The following ZMIZ1 variants were observed in gnomAD, a reference collection of about 807,000 sequenced individuals.
ZMIZ1 encodes the protein zinc finger MIZ-type containing 1, also known as zinc finger MIZ domain-containing protein 1.
In ZMIZ1, 17 loss-of-function variants were observed where a neutral mutation model predicts 113.9. That is an observed-to-expected ratio of 0.15 (90% CI 0.10 to 0.22). The LOEUF (loss-of-function observed/expected upper bound fraction) is 0.22. Among genes scored for constraint, ZMIZ1 ranks in the 10% least tolerant of loss-of-function variants. The pLI is 1.00. For synonymous variants in ZMIZ1, 607 were observed against 603.1 expected (o/e 1.01, Z -0.09); for missense variants, 1,059 against 1,477.8 (o/e 0.72, Z 4.65).
Position 79,313,845 on chromosome 10 carries a change from T to C in ZMIZ1, c.*1096T>C. The C allele has an allele frequency of 2.8e-6, 1 of 357,700 alleles. No homozygotes were observed. The highest frequency in any genetic ancestry group is 2.1e-5 in the South Asian group (1 of 48,514). 22.2% of individuals were successfully genotyped at this position (357,700 alleles called of 1,614,324 possible). A position where few individuals can be genotyped will look rare whatever the true frequency, so the allele number is the denominator to read the frequency against. ...CTCTGTCCTAGTTCTCTTTGTCCAATCAGATGGCAAGGGCAGTGCGTGGAA... is the reference window on the plus strand; with the variant it reads ...CTCTGTCCTAGTTCTCTTTGTCCAACCAGATGGCAAGGGCAGTGCGTGGAA... On this transcript the variant is annotated 3_prime_UTR_variant, in exon 25 of 25. Coordinates refer to ENST00000334512, the MANE Select transcript of ZMIZ1 (RefSeq NM_020338.4).
At chr10:79,303,073 G>C (rs929310602) in intron 18 of ZMIZ1, among the ~76,000 whole-genome samples, 1 of 151,834 alleles carries the variant, frequency 6.6e-6, no homozygotes, top group Non-Finnish European at 1.5e-5. Context: ...TGTTAGCCAG[G>C]ATGGTCACAA....
At chr10:79,295,593 T>C (rs1265792507) in intron 12 of ZMIZ1, 1 of 152,250 alleles carries the variant, frequency 6.6e-6, no homozygotes. Flanking sequence ...GGTGCCTCAC[T>C]GTCACCCAGA....
intron 1 of ZMIZ1, among the ~76,000 whole-genome samples, chr10:79,078,547 C>T (rs1158071923): frequency 6.8e-6 from 1 of 147,328 alleles, no homozygotes; most frequent in Non-Finnish European, 1.5e-5. Flanking sequence ...TTTCCCCAGA[C>T]TACAGACACC....
chr10:79,075,824 C>T (rs968804269), intron 1 of ZMIZ1, among the ~76,000 whole-genome samples: 5 of 152,228 alleles, frequency 3.3e-5, no homozygotes, highest in African/African-American at 4.8e-5. Context: ...AAAATACATA[C>T]ACTGTACTTT....
chr10:79,292,601 C>G (rs1853568641), intron 11 of ZMIZ1, among the ~76,000 whole-genome samples: 1 of 152,082 alleles, frequency 6.6e-6, no homozygotes, highest in East Asian at 1.9e-4. Flanking sequence ...GGTGTTTGTT[C>G]TGTGTGTTGG....
At chr10:79,216,338 C>T (rs761533063) in intron 7 of ZMIZ1, 64 bp downstream of exon 7, 6 of 1,440,062 alleles carry the variant, frequency 4.2e-6, no homozygotes, top group Non-Finnish European at 5.7e-6. Flanking sequence ...GACTATAAAC[C>T]ATGCCTGTTT....
At chr10:79,293,356 G>C in intron 11 of ZMIZ1, 25 bp from the exon 12 acceptor site, 1 of 1,471,880 alleles carries the variant, frequency 6.8e-7, no homozygotes, top group South Asian at 1.5e-5. Flanking sequence ...TTCTTCTCCC[G>C]TTGAAGGTCT....
At chr10:79,116,000 C>T (rs1381880955) in intron 1 of ZMIZ1, among the ~76,000 whole-genome samples, 1 of 152,194 alleles carries the variant, frequency 6.6e-6, no homozygotes, top group South Asian at 2.1e-4. Flanking sequence ...ATGGGTCTTG[C>T]AATTTTGTTT....
In ZMIZ1 at chr10:79,216,269, C is replaced by G. The variant is rs1394200365; in HGVS notation, c.275C>G (p.Ser92Cys). ...AACCGAGACAAGTTCACCCCGAAGTCTGCCGGTAGGTGTCCGTGGGGGACT... is the reference window on the plus strand; with the variant it reads ...AACCGAGACAAGTTCACCCCGAAGTGTGCCGGTAGGTGTCCGTGGGGGACT... ...AANRDKFTPK[S>C]AALLSSWCEE... The change falls in exon 7 of 25, where the codon TCT becomes TGT. Residue 92 changes from serine (S) to cysteine (C), a missense_variant. Ser to Cys is a moderately radical substitution (Grantham distance 112, BLOSUM62 -1). This residue lies in a region of ZMIZ1 where 272 missense variants were observed against 350.4 expected (regional missense o/e 0.78). Coordinates refer to ENST00000334512, the MANE Select transcript of ZMIZ1 (RefSeq NM_020338.4). 1 of 1,589,900 alleles carries G rather than the reference C, an allele frequency of 6.3e-7. No individual in the cohort carries two copies. The highest frequency in any genetic ancestry group is 8.6e-7 in the Non-Finnish European group (1 of 1,168,068).
intron 4 of ZMIZ1, among the ~76,000 whole-genome samples, chr10:79,200,484 C>T (rs1848028556): frequency 6.6e-6 from 1 of 152,222 alleles, no homozygotes; most frequent in Admixed American, 6.5e-5. Flanking sequence ...ATGCTAATGG[C>T]CCTGAGCACT....
chr10:79,143,741 C>G (rs867447228), intron 3 of ZMIZ1, among the ~76,000 whole-genome samples: 4 of 151,356 alleles, frequency 2.6e-5, no homozygotes, highest in Admixed American at 2.0e-4. Flanking sequence ...GTATAGCTGC[C>G]CTGAACAAGG....
At chr10:79,159,635 G>A (rs1413733468) in intron 3 of ZMIZ1, among the ~76,000 whole-genome samples, 8 of 152,206 alleles carry the variant, frequency 5.3e-5, no homozygotes, top group Admixed American at 5.2e-4. Flanking sequence ...CCACCTCACA[G>A]CGTTTCACTG....
intron 7 of ZMIZ1, among the ~76,000 whole-genome samples, chr10:79,223,868 G>A (rs11002881): frequency 0.054 from 8,228 of 152,298 alleles, 334 homozygotes; most frequent in South Asian, 0.15. Context: ...AGATCCGGTG[G>A]CCTCACTGTG....
At chr10:79,311,395 C>T (rs562337009) in intron 24 of ZMIZ1, among the ~76,000 whole-genome samples, 13 of 152,314 alleles carry the variant, frequency 8.5e-5, no homozygotes, top group Non-Finnish European at 1.0e-4. Flanking sequence ...GCTCCTGTCC[C>T]CCCAGTCCCT....
intron 7 of ZMIZ1, among the ~76,000 whole-genome samples, chr10:79,231,806 GACCTC>G (rs1355776266): frequency 6.6e-6 from 1 of 152,156 alleles, no homozygotes. Flanking sequence ...TCGAACTCCT[GACCTC>G]AGGTGATCCA....
At chr10:79,146,607 G>A (rs933594336) in intron 3 of ZMIZ1, among the ~76,000 whole-genome samples, 7 of 152,350 alleles carry the variant, frequency 4.6e-5, no homozygotes, top group African/African-American at 1.2e-4. Flanking sequence ...CCCTGAGTTT[G>A]GGGATTGTCC....
chr10:79,297,822 T>C (rs1369245528), intron 14 of ZMIZ1, 132 bp downstream of exon 14: 5 of 716,790 alleles, frequency 7.0e-6, no homozygotes, highest in Non-Finnish European at 1.2e-5. Flanking sequence ...CCTGGTCCCC[T>C]GTCCTGGGGA....
At chr10:79,207,980 C>T (rs1848392017) in intron 5 of ZMIZ1, among the ~76,000 whole-genome samples, 1 of 151,724 alleles carries the variant, frequency 6.6e-6, no homozygotes, top group South Asian at 2.1e-4. Flanking sequence ...TGCTATTAGT[C>T]ACCAGCCTTC....
chr10:79,244,836 T>C (rs1850092812), intron 7 of ZMIZ1, among the ~76,000 whole-genome samples: 2 of 152,086 alleles, frequency 1.3e-5, no homozygotes, highest in African/African-American at 4.8e-5. Flanking sequence ...TGACCCCAGA[T>C]GTTACGTGGG....
Sources: allele counts gnomAD v4.1 joint callset (sites outside exome capture counted in the v4.1 genomes callset), GRCh38; gene constraint gnomAD v4.1.1; regional missense constraint gnomAD v4.1.1; transcripts MANE v1.5; gene names NCBI Gene and HGNC (gene_info 2026-07-23, HGNC 2026-07-21).